Variants in HTR3D observed in about 807,000 individuals in gnomAD.
The protein encoded by HTR3D is 5-hydroxytryptamine receptor 3D.
A neutral mutation model predicts 45.8 loss-of-function variants in HTR3D; 47 were observed. The ratio of observed to expected loss-of-function variants is 1.03; its 90% confidence interval spans 0.81 to 1.31. HTR3D has a LOEUF of 1.31. Ranked by LOEUF, HTR3D falls within the 50% of genes most tolerant of loss-of-function variation. The pLI, the probability that HTR3D is intolerant of heterozygous loss-of-function variation, is 0.00. For synonymous variants in HTR3D, 203 were observed against 199.8 expected (o/e 1.02, Z -0.13); for missense variants, 448 against 506.9 (o/e 0.88, Z 1.12).
In HTR3D at chr3:184,038,737, T is replaced by C. The variant is rs750817479; in HGVS notation, c.986-9T>C. The C allele has an allele frequency of 6.3e-7, 1 of 1,580,642 alleles. No homozygotes were observed. Among genetic ancestry groups the C allele is most frequent in the East Asian group, 2.3e-5 (1 of 43,808 alleles). ...TGCAGCCCATGGCTGAGTCTCTGTC[T>C]TTCTGTAGGTGTGAAGGAGCCAGAG... is the stretch of plus-strand genomic sequence containing the variant. On this transcript the variant is annotated splice_polypyrimidine_tract_variant and intron_variant, in intron 7 of 7. Transcript: ENST00000428798. This position sits in a 1 kb window ranked among gnomAD's most constrained non-coding sequence, Gnocchi z 4.5.
chr3:184,039,051 C>CAGTCCAAATTTA lies in HTR3D; in HGVS notation c.*78_*79insTCCAAATTTAAG. ...TCCAGAAACCAGTCAGGCTCTCAGT[C>CAGTCCAAATTTA]AGCCTTGTGGCCCTGTCAACCGCCT... On this transcript the variant is annotated 3_prime_UTR_variant, in exon 8 of 8. Transcript: ENST00000428798. The CAGTCCAAATTTA allele has an allele frequency of 1.1e-6, 1 of 869,800 alleles. No individual in the cohort carries two copies. Among genetic ancestry groups the CAGTCCAAATTTA allele is most frequent in the Non-Finnish European group, 1.5e-6 (1 of 653,734 alleles). 53.9% of individuals were successfully genotyped at this position (869,800 alleles called of 1,614,324 possible).
chr3:184,039,255 C>T lies in HTR3D; in HGVS notation c.*280C>T, dbSNP rs1334231496. On this transcript the variant is annotated 3_prime_UTR_variant, in exon 8 of 8. Transcript: ENST00000428798. The stretch of plus-strand genomic sequence containing the variant: ...TCCTTGATTAAATCACCCCAATATG[C>T]CCCTTTGCAGAAAGTATTGGCTTTT... 1 of 353,996 alleles carries T rather than the reference C, an allele frequency of 2.8e-6. No individual in the cohort carries two copies. The highest frequency in any genetic ancestry group is 5.1e-6 in the Non-Finnish European group (1 of 197,340). The allele number at this position is 353,996 out of a possible 1,614,324, so 21.9% of individuals were successfully genotyped here.
At position 184,036,456 on chromosome 3, in the gene HTR3D, G is replaced by T; in HGVS notation, c.279G>T (p.Trp93Cys). The change falls in exon 4 of 8, where the codon TGG (tryptophan) becomes TGT (cysteine). Residue 93 changes from tryptophan to cysteine, a missense_variant. Physicochemically the swap from Trp to Cys is radical, Grantham distance 215. Transcript: ENST00000428798. ...CAAACACAATAAGCCAATGTGGGTG[G>T]TCAGCATCTGCAAACTGGACACCTT... ...ATSNTISQCGWSASANWTPSI... is the reference protein window; with the variant it reads ...ATSNTISQCGCSASANWTPSI... 6.2e-7 allele frequency: 1 copy of T among 1,614,204 alleles called. No homozygotes were observed. The highest frequency in any genetic ancestry group is 1.1e-5 in the South Asian group (1 of 91,084).
At position 184,038,271 on chromosome 3, in the gene HTR3D, G is replaced by T; in HGVS notation, c.767G>T (p.Arg256Leu). ...VRPHPSRDQKRGVYFALCLSL... is the reference protein window; with the variant it reads ...VRPHPSRDQKLGVYFALCLSL... ...CCTCATCCATCAAGAGACCAAAAGC[G>T]AGGTGTGTGTTGGATGGGGAGAGGG... The change falls in exon 6 of 8, where the codon CGA (arginine) becomes CTA (leucine). Residue 256 changes from arginine to leucine, a missense_variant and splice_region_variant. Transcript: ENST00000428798. The surrounding 1 kb of genome is among the most constrained non-coding windows in gnomAD (Gnocchi z 4.5). 1 of 1,613,994 alleles carries T rather than the reference G, an allele frequency of 6.2e-7. No individual in the cohort carries two copies. The highest frequency in any genetic ancestry group is 2.2e-5 in the East Asian group (1 of 44,880).
rs1235330735 is a variant in HTR3D at position 184,037,291 on chromosome 3, G to A, written c.516+395G>A. Among the ~76,000 whole-genome samples the A allele has an allele frequency of 2.6e-5, 4 of 151,996 alleles. No homozygotes were observed. The South Asian group carries it at 6.2e-4, about 24-fold the overall frequency. On this transcript the variant is annotated intron_variant, in intron 5 of 7. Coordinates refer to ENST00000428798, the MANE Select transcript of HTR3D (RefSeq NM_001145143.1). The stretch of plus-strand genomic sequence containing the variant: ...CTGAACTCAGGTATCTGCCTGCCTC[G>A]GCCTCCCAAAGTTCTGGGATTACAG...
chr3:184,034,425 G>C (rs1029696151), intron 1 of HTR3D, among the ~76,000 whole-genome samples: 2 of 152,124 alleles, frequency 1.3e-5, no homozygotes, highest in African/African-American at 4.8e-5. Flanking sequence ...TTGGAGAGAG[G>C]GTGAAATAGG....
chr3:184,036,270 G>A (rs1183248841), intron 3 of HTR3D, 105 bp from the exon 4 acceptor site: 5 of 1,512,658 alleles, frequency 3.3e-6, no homozygotes, highest in African/African-American at 1.4e-5. Flanking sequence ...TCATCTGAGT[G>A]GGGCTGGAGC....
intron 1 of HTR3D, chr3:184,033,182 G>A: frequency 4.4e-6 from 3 of 684,164 alleles, no homozygotes; most frequent in South Asian, 4.0e-5. Flanking sequence ...GTGCAGTGGT[G>A]CAATCTCAGC....
chr3:184,038,006 TCTC>T lies in HTR3D; in HGVS notation c.517-10_517-8del. The stretch of plus-strand genomic sequence containing the variant: ...AGCCTACTTCTCACTTGCCCCTCCT[TCTC>T]CTCCCCACCAGGTGGCCATCAGGCG... On this transcript the variant is annotated splice_polypyrimidine_tract_variant and intron_variant, in intron 5 of 7. Transcript: ENST00000428798. The surrounding 1 kb of genome is among the most constrained non-coding windows in gnomAD (Gnocchi z 4.5). 1 of 1,611,736 alleles carries T rather than the reference TCTC, an allele frequency of 6.2e-7. No individual in the cohort carries two copies. The highest frequency in any genetic ancestry group is 8.5e-7 in the Non-Finnish European group (1 of 1,178,390).
rs1367820817 is a variant in HTR3D, at chr3:184,035,107, A to G, written c.67-71A>G. 5.2e-6 allele frequency: 8 copies of G among 1,550,808 alleles called. No individual in the cohort carries two copies. In the African/African-American group the frequency reaches 5.5e-5, roughly 11 times the overall value. On this transcript the variant is annotated intron_variant, in intron 1 of 7. Coordinates refer to ENST00000428798, the MANE Select transcript of HTR3D (RefSeq NM_001145143.1). ...CCACATGGACCAGCCTTGGAAGTGA[A>G]CAAGGAGAGGGTGGTGGCATGGGAC... is the stretch of plus-strand genomic sequence containing the variant.
At chr3:184,035,059 G>C in intron 1 of HTR3D, 119 bp from the exon 2 acceptor site, 1 of 1,518,200 alleles carries the variant, frequency 6.6e-7, no homozygotes, top group Admixed American at 2.1e-5. Flanking sequence ...TTTTTCAGTG[G>C]CTTAGATCAA....
intron 5 of HTR3D, among the ~76,000 whole-genome samples, chr3:184,037,329 G>C (rs1722937559): frequency 1.3e-5 from 2 of 152,048 alleles, no homozygotes; most frequent in Non-Finnish European, 2.9e-5. Context: ...ATGAGCCACC[G>C]TGCCCAGCCT....
At chr3:184,033,389 C>A (rs1722801469) in intron 1 of HTR3D, among the ~76,000 whole-genome samples, 1 of 152,044 alleles carries the variant, frequency 6.6e-6, no homozygotes, top group African/African-American at 2.4e-5. Flanking sequence ...AGGCATGAGC[C>A]ACCGTGCCTG....
In HTR3D at chr3:184,038,298, T is replaced by C. The variant is rs764107047; in HGVS notation, c.769+25T>C. 2.5e-6 allele frequency: 4 copies of C among 1,612,818 alleles called. No individual in the cohort carries two copies. In the South Asian group the frequency reaches 4.4e-5, roughly 18 times the overall value. ...GGTGTGTGTTGGATGGGGAGAGGGA[T>C]GGGCAGAACCAGGCGAAGTGAAAAG... On this transcript the variant is annotated intron_variant, in intron 6 of 7. Transcript: ENST00000428798. The surrounding 1 kb of genome is among the most constrained non-coding windows in gnomAD (Gnocchi z 4.5).
At chr3:184,035,129 G>A in intron 1 of HTR3D, 49 bp from the exon 2 acceptor site, 2 of 1,551,554 alleles carry the variant, frequency 1.3e-6, no homozygotes, top group South Asian at 2.4e-5. Context: ...TGGTGGCATG[G>A]GACCTGCCTT....
At chr3:184,032,502 G>A (rs561381012) in intron 1 of HTR3D, among the ~76,000 whole-genome samples, 5 of 152,230 alleles carry the variant, frequency 3.3e-5, no homozygotes, top group Middle Eastern at 3.4e-3. Context: ...ACAGCGAGGC[G>A]GAGAACTGTG....
chr3:184,031,995 C>CTTCT (rs1722763044), intron 1 of HTR3D, among the ~76,000 whole-genome samples, 188 bp downstream of exon 1: 1 of 129,648 alleles, frequency 7.7e-6, no homozygotes, highest in African/African-American at 3.0e-5. Flanking sequence ...CTTTTCTCTT[C>CTTCT]TTTTTTTTTT....
At chr3:184,036,158 G>T in intron 3 of HTR3D, 58 bp downstream of exon 3, 1 of 1,519,720 alleles carries the variant, frequency 6.6e-7, no homozygotes, top group Non-Finnish European at 8.8e-7. Context: ...AGGACACAAT[G>T]TTACCGATAA....
chr3:184,037,406 C>T (rs1296436798), intron 5 of HTR3D, among the ~76,000 whole-genome samples: 1 of 152,140 alleles, frequency 6.6e-6, no homozygotes, highest in Non-Finnish European at 1.5e-5. Context: ...TAAATAGTTA[C>T]TAAATAAAGC....
Sources: allele counts gnomAD v4.1 joint callset (sites outside exome capture counted in the v4.1 genomes callset), GRCh38; gene constraint gnomAD v4.1.1; non-coding constraint Gnocchi (gnomAD v3.1); transcripts MANE v1.5; gene names NCBI Gene and HGNC (gene_info 2026-07-23, HGNC 2026-07-21).